Variants in MYO18B observed in about 807,000 individuals in gnomAD.
MYO18B encodes myosin XVIIIB, also known as unconventional myosin-XVIIIb.
MYO18B carries 204 observed loss-of-function variants against 273.0 expected under a neutral mutation model. The ratio of observed to expected loss-of-function variants is 0.75; its 90% CI spans 0.67 to 0.84. The LOEUF (loss-of-function observed/expected upper bound fraction) is 0.84, where lower values mean the gene tolerates loss of function less well. Ranked by LOEUF, MYO18B falls within the 40% of genes least tolerant of loss-of-function variation. The pLI is 0.00. For synonymous variants in MYO18B, 1,330 were observed against 1,305.7 expected (o/e 1.02, Z -0.40); for missense variants, 3,212 against 3,287.6 (o/e 0.98, Z 0.56).
chr22:25,874,612 C>T (rs1049048852), intron 23 of MYO18B, among the ~76,000 whole-genome samples, 198 bp downstream of exon 23: 4 of 152,188 alleles, frequency 2.6e-5, no homozygotes, highest in Non-Finnish European at 4.4e-5. Flanking sequence ...GTCGGCCTTG[C>T]GCTAGGTAGC....
chr22:25,867,784 C>T (rs1202589897), intron 21 of MYO18B, among the ~76,000 whole-genome samples: 1 of 152,162 alleles, frequency 6.6e-6, no homozygotes, highest in African/African-American at 2.4e-5. Flanking sequence ...CGCCCGCCAC[C>T]ATGCCCGACT....
At chr22:25,794,340 GGGACTAC>G (rs1465016411) in intron 11 of MYO18B, among the ~76,000 whole-genome samples, 1 of 151,868 alleles carries the variant, frequency 6.6e-6, no homozygotes, top group Non-Finnish European at 1.5e-5. Context: ...CTAAGTAGCT[GGGACTAC>G]AGGCTCATGC....
At chr22:26,054,166 G>A in the MYO18B span, among the ~76,000 whole-genome samples, 1 of 152,190 alleles carries the variant, frequency 6.6e-6, no homozygotes, top group Non-Finnish European at 1.5e-5. Context: ...GCATCACAGA[G>A]CAAGGAGTCC....
At chr22:26,033,476 A>G (rs16981243), downstream of MYO18B, among the ~76,000 whole-genome samples, 5,519 of 152,320 alleles carry the variant, frequency 0.036, 232 homozygotes, top group South Asian at 0.14. Context: ...TTTTTATAAA[A>G]GAAGAAATCA....
At chr22:26,055,278 G>A in the MYO18B span, among the ~76,000 whole-genome samples, 1 of 152,298 alleles carries the variant, frequency 6.6e-6, no homozygotes, top group Non-Finnish European at 1.5e-5. Context: ...ACCTTCCCTT[G>A]TTACTTGGGG....
At chr22:25,898,267 TGCC>T in intron 28 of MYO18B, 37 bp from the exon 29 acceptor site, 1 of 1,589,194 alleles carries the variant, frequency 6.3e-7, no homozygotes, top group Non-Finnish European at 8.5e-7. Context: ...GCTCGTTCCA[TGCC>T]CACAGAGCCG....
chr22:26,016,187 G>C (rs1935312227), intron 42 of MYO18B, among the ~76,000 whole-genome samples: 1 of 152,158 alleles, frequency 6.6e-6, no homozygotes. Context: ...GAATCTACAA[G>C]CCAAGTAGAT....
chr22:25,821,090 G>T (rs1004939094), intron 12 of MYO18B, among the ~76,000 whole-genome samples: 1 of 152,098 alleles, frequency 6.6e-6, no homozygotes, highest in Non-Finnish European at 1.5e-5. Flanking sequence ...GGACACCTAG[G>T]TTGATTCCCT....
intron 42 of MYO18B, among the ~76,000 whole-genome samples, chr22:26,020,288 A>G (rs1362859021): frequency 6.6e-6 from 1 of 152,054 alleles, no homozygotes; most frequent in African/African-American, 2.4e-5. Flanking sequence ...TGTGGCTGAC[A>G]CTAGAGATAA....
At chr22:25,801,553 C>G (rs1034091249) in intron 12 of MYO18B, among the ~76,000 whole-genome samples, 2 of 152,186 alleles carry the variant, frequency 1.3e-5, no homozygotes, top group Non-Finnish European at 1.5e-5. Context: ...CTGTGGTACA[C>G]AGGACTTGGC....
At chr22:25,895,115 A>G in intron 27 of MYO18B, 41 bp from the exon 28 acceptor site, 2 of 1,601,644 alleles carry the variant, frequency 1.2e-6, no homozygotes, top group African/African-American at 1.3e-5. Flanking sequence ...CCTTACACTC[A>G]TTTGGCCTCT....
intron 12 of MYO18B, among the ~76,000 whole-genome samples, chr22:25,814,485 A>G (rs981692350): frequency 1.3e-5 from 2 of 151,928 alleles, no homozygotes; most frequent in East Asian, 1.9e-4. Flanking sequence ...AGCTTTGGCT[A>G]CTTCAACAAT....
the MYO18B span, among the ~76,000 whole-genome samples, chr22:26,059,013 C>T: frequency 1.3e-4 from 20 of 152,274 alleles, no homozygotes; most frequent in East Asian, 3.9e-3. Context: ...CTCTTTGCCT[C>T]TTCACCTTTT....
chr22:25,885,445 C>T (rs2091468153), intron 25 of MYO18B, among the ~76,000 whole-genome samples: 1 of 152,042 alleles, frequency 6.6e-6, no homozygotes, highest in Non-Finnish European at 1.5e-5. Context: ...CAGGAGCTGG[C>T]CAGGTGACAA....
intron 42 of MYO18B, among the ~76,000 whole-genome samples, chr22:26,017,577 T>C (rs6004898): frequency 4.1e-4 from 62 of 152,346 alleles, no homozygotes; most frequent in Middle Eastern, 3.4e-3. Flanking sequence ...TGTTACCCAA[T>C]TATCCTAAAA....
chr22:26,042,111 C>T, the MYO18B span, among the ~76,000 whole-genome samples: 1 of 152,164 alleles, frequency 6.6e-6, no homozygotes, highest in Non-Finnish European at 1.5e-5. Context: ...CCCCAGGCAC[C>T]CATCAAGCAT....
chr22:25,923,044 T>C (rs1264149656), intron 34 of MYO18B, among the ~76,000 whole-genome samples: 4 of 152,238 alleles, frequency 2.6e-5, no homozygotes, highest in African/African-American at 4.8e-5. Context: ...TTTCTCAGGC[T>C]GACCTTGCTT....
intron 34 of MYO18B, among the ~76,000 whole-genome samples, chr22:25,942,503 A>G (rs1393206910): frequency 6.6e-6 from 1 of 152,160 alleles, no homozygotes; most frequent in Non-Finnish European, 1.5e-5. Context: ...CAGACCTCCC[A>G]GTGAGTGGCT....
intron 2 of MYO18B, among the ~76,000 whole-genome samples, chr22:25,762,742 C>A (rs2086367165): frequency 2.0e-5 from 3 of 152,358 alleles, no homozygotes; most frequent in Middle Eastern, 6.8e-3. Context: ...GGCTGTAAGC[C>A]CTTCCCTATC....
Sources: gnomAD v4.1 joint callset for allele counts (sites outside exome capture counted in the v4.1 genomes callset) on GRCh38, gnomAD v4.1.1 for gene constraint, MANE v1.5 for transcripts, NCBI Gene and HGNC (gene_info 2026-07-23, HGNC 2026-07-21) for gene names.